NCOA7: variants seen among roughly 807,000 people sequenced by gnomAD.
The protein encoded by NCOA7 is nuclear receptor coactivator 7, also known as 140 kDa estrogen receptor-associated protein.
In NCOA7, 45 loss-of-function variants were observed where a neutral mutation model predicts 104.3. The observed-to-expected ratio is 0.43, with a 90% CI of 0.34 to 0.55. The LOEUF is 0.55. NCOA7 is among the 20% of genes least tolerant of loss of function. The pLI is 0.02. For synonymous variants in NCOA7, 398 were observed against 402.3 expected (o/e 0.99, Z 0.13); for missense variants, 1,041 against 1,119.7 (o/e 0.93, Z 1.00).
intron 2 of NCOA7, among the ~76,000 whole-genome samples, chr6:125,828,381 A>C (rs1778842547): frequency 6.6e-6 from 1 of 152,236 alleles, no homozygotes; most frequent in Non-Finnish European, 1.5e-5. Flanking sequence ...TGATTGGATA[A>C]AAGCAGTTTC....
intron 2 of NCOA7, among the ~76,000 whole-genome samples, chr6:125,830,858 C>T (rs952080353): frequency 1.3e-5 from 2 of 151,426 alleles, no homozygotes; most frequent in African/African-American, 4.9e-5. Context: ...AAATTATGCT[C>T]ATAGTGAGGG....
intron 3 of NCOA7, among the ~76,000 whole-genome samples, chr6:125,867,055 A>G (rs188069945): frequency 4.3e-4 from 65 of 152,326 alleles, no homozygotes; most frequent in Admixed American, 1.1e-3. Flanking sequence ...ACTTCAGTTA[A>G]GCATTTTAAT....
rs144250707 is a variant in NCOA7 at position 125,857,924 on chromosome 6, G to A, written c.271+2684G>A. 4.3e-3 allele frequency among the ~76,000 whole-genome samples: 652 copies of A among 150,516 alleles called. 1 individual carries two copies. The highest frequency in any genetic ancestry group is 0.014 in the Middle Eastern group (4 of 288). ...TTTTTTTTTTTTTAAATGATTTCTC[G>A]CTGTAATAGGATAACCTTTTTATGT... On this transcript the variant is annotated intron_variant, in intron 3 of 15. Transcript: ENST00000392477.
intron 2 of NCOA7, among the ~76,000 whole-genome samples, chr6:125,819,443 T>A (rs1261295157): frequency 6.6e-6 from 1 of 151,946 alleles, no homozygotes; most frequent in Non-Finnish European, 1.5e-5. Context: ...TTTTTTGGAT[T>A]TTCTGACCCT....
intron 1 of NCOA7, among the ~76,000 whole-genome samples, chr6:125,793,339 AC>A (rs372346439): frequency 7.2e-5 from 11 of 152,294 alleles, no homozygotes; most frequent in African/African-American, 2.6e-4. Context: ...AGCTCTCTTT[AC>A]CTTGTTACTT....
upstream of NCOA7, among the ~76,000 whole-genome samples, chr6:125,787,300 C>G (rs892899068): frequency 6.6e-6 from 1 of 152,170 alleles, no homozygotes; most frequent in Admixed American, 6.5e-5. Flanking sequence ...CATGCTTCTT[C>G]ATTACAAGAA....
chr6:125,896,753 C>T (rs1785053836), intron 10 of NCOA7, among the ~76,000 whole-genome samples: 1 of 152,136 alleles, frequency 6.6e-6, no homozygotes, highest in Non-Finnish European at 1.5e-5. Flanking sequence ...AATCACGCCT[C>T]CGCACTCCAA....
intron 2 of NCOA7, among the ~76,000 whole-genome samples, chr6:125,822,473 G>A (rs1172814642): frequency 1.3e-5 from 2 of 152,156 alleles, no homozygotes; most frequent in Non-Finnish European, 1.5e-5. Context: ...TGAATCTGTT[G>A]TTCAGGAGGT....
chr6:125,928,873 A>C lies in NCOA7; in HGVS notation c.*102A>C, dbSNP rs1195678779. On this transcript the variant is annotated 3_prime_UTR_variant, in exon 16 of 16. Coordinates refer to ENST00000392477, the MANE Select transcript of NCOA7 (RefSeq NM_181782.5). The stretch of plus-strand genomic sequence containing the variant: ...GCCCCAGCCCAGCCTGCCTCATCCC[A>C]CCCCAATGCTTCCTTTCTGCCATCA... The C allele has an allele frequency of 8.0e-6, 10 of 1,255,810 alleles. No homozygotes were observed. The highest frequency in any genetic ancestry group is 9.8e-6 in the Non-Finnish European group (9 of 917,098). The allele number at this position is 1,255,810 out of a possible 1,614,324, so 77.8% of individuals were successfully genotyped here.
At chr6:125,827,091 G>C (rs984662457) in intron 2 of NCOA7, among the ~76,000 whole-genome samples, 1 of 151,228 alleles carries the variant, frequency 6.6e-6, no homozygotes, top group African/African-American at 2.4e-5. Context: ...GGAAGCTGAG[G>C]CAGGAGAATT....
At chr6:125,844,689 A>G (rs1264062577) in intron 2 of NCOA7, among the ~76,000 whole-genome samples, 1 of 152,214 alleles carries the variant, frequency 6.6e-6, no homozygotes, top group Admixed American at 6.5e-5. Flanking sequence ...TGATGACTAA[A>G]TTCATAGAGT....
chr6:125,885,518 T>C (rs1420014362), intron 8 of NCOA7, among the ~76,000 whole-genome samples, 175 bp downstream of exon 8: 1 of 151,632 alleles, frequency 6.6e-6, no homozygotes, highest in Non-Finnish European at 1.5e-5. Flanking sequence ...ATAAAATCAA[T>C]GATGGGAAAA....
At chr6:125,829,669 CATTCAAA>C (rs1361124044) in intron 2 of NCOA7, among the ~76,000 whole-genome samples, 2 of 151,830 alleles carry the variant, frequency 1.3e-5, no homozygotes, top group Non-Finnish European at 2.9e-5. Flanking sequence ...TCTTTTCCTG[CATTCAAA>C]ATTCTAATTT....
chr6:125,840,925 A>C (rs1353954722), intron 2 of NCOA7, among the ~76,000 whole-genome samples: 6 of 69,918 alleles, frequency 8.6e-5, no homozygotes, highest in African/African-American at 2.4e-4. Flanking sequence ...CAGAGTCTCA[A>C]TCTGTCACCC....
chr6:125,905,151 C>A (rs575418355), intron 10 of NCOA7, among the ~76,000 whole-genome samples: 21 of 152,286 alleles, frequency 1.4e-4, no homozygotes, highest in South Asian at 6.2e-4. Flanking sequence ...ATTGACAGAC[C>A]TGCCAAGGTT....
chr6:125,841,631 C>T (rs1241741766), intron 2 of NCOA7, among the ~76,000 whole-genome samples: 1 of 151,968 alleles, frequency 6.6e-6, no homozygotes, highest in Non-Finnish European at 1.5e-5. Flanking sequence ...TCTTCAAAAT[C>T]TATTTTGGGT....
At chr6:125,850,730 A>G (rs1383458542) in intron 2 of NCOA7, among the ~76,000 whole-genome samples, 2 of 152,222 alleles carry the variant, frequency 1.3e-5, no homozygotes, top group Non-Finnish European at 2.9e-5. Flanking sequence ...TCTAGAAGGA[A>G]TCACCTTCGG....
intron 10 of NCOA7, among the ~76,000 whole-genome samples, chr6:125,904,309 C>T (rs957294908): frequency 2.6e-5 from 4 of 152,156 alleles, no homozygotes; most frequent in Admixed American, 2.0e-4. Flanking sequence ...GTTGTGTTGG[C>T]ACTGTGCTAA....
chr6:125,842,880 A>G (rs1163795299), intron 2 of NCOA7, among the ~76,000 whole-genome samples: 4 of 152,200 alleles, frequency 2.6e-5, no homozygotes, highest in Admixed American at 1.3e-4. Context: ...GTTTATTGCT[A>G]CTCACTGCCA....
Sources: allele counts gnomAD v4.1 joint callset (sites outside exome capture counted in the v4.1 genomes callset), GRCh38; gene constraint gnomAD v4.1.1; transcripts MANE v1.5; gene names NCBI Gene and HGNC (gene_info 2026-07-23, HGNC 2026-07-21).